The following TYW1 variants were observed in gnomAD, a reference collection of about 807,000 sequenced individuals.
The protein encoded by TYW1 is S-adenosyl-L-methionine-dependent tRNA 4-demethylwyosine synthase TYW1.
A neutral mutation model predicts 96.2 loss-of-function variants in TYW1; 46 were observed. The ratio of observed to expected loss-of-function variants is 0.48; its 90% CI spans 0.38 to 0.61. The LOEUF (loss-of-function observed/expected upper bound fraction) is 0.61. TYW1 is among the 20% of genes least tolerant of loss of function. The pLI is 0.00. For missense variants in TYW1, 684 were observed against 909.6 expected (o/e 0.75, Z 3.19); for synonymous variants, 274 against 323.0 (o/e 0.85, Z 1.63).
At chr7:67,025,172 T>G in intron 7 of TYW1, 150 bp downstream of exon 7, 1 of 1,334,670 alleles carries the variant, frequency 7.5e-7, no homozygotes, top group Non-Finnish European at 1.0e-6. Flanking sequence ...TTTGCCATTT[T>G]TCATGAGCGT....
chr7:67,099,916 C>T (rs920434334), intron 12 of TYW1, among the ~76,000 whole-genome samples: 4 of 151,992 alleles, frequency 2.6e-5, no homozygotes, highest in East Asian at 1.9e-4. Context: ...GCAGGAGAAT[C>T]GCTTGAACCC....
chr7:67,076,939 A>T (rs1316699003), intron 10 of TYW1, among the ~76,000 whole-genome samples: 3 of 151,526 alleles, frequency 2.0e-5, no homozygotes, highest in Non-Finnish European at 4.4e-5. Flanking sequence ...CACCTGGCTA[A>T]TTTTTTATAT....
At chr7:67,134,782 T>G (rs1390670843) in intron 13 of TYW1, among the ~76,000 whole-genome samples, 1 of 80,078 alleles carries the variant, frequency 1.2e-5, no homozygotes, top group East Asian at 2.2e-4. Context: ...CCCATGTGTT[T>G]TTTTTTTTTT....
chr7:67,080,016 T>C (rs1445389346), intron 10 of TYW1, among the ~76,000 whole-genome samples: 1 of 152,200 alleles, frequency 6.6e-6, no homozygotes. Flanking sequence ...CTGGAGAATA[T>C]TTTATGTATG....
chr7:67,120,789 A>G (rs1797737578), intron 13 of TYW1, among the ~76,000 whole-genome samples: 1 of 152,234 alleles, frequency 6.6e-6, no homozygotes, highest in Non-Finnish European at 1.5e-5. Flanking sequence ...TCTTACCTCA[A>G]AGTCACTAGC....
intron 13 of TYW1, among the ~76,000 whole-genome samples, chr7:67,124,700 A>G (rs1797864141): frequency 2.0e-5 from 3 of 152,214 alleles, no homozygotes; most frequent in Admixed American, 1.3e-4. Flanking sequence ...TCTCAACATT[A>G]TAATATTATA....
At chr7:67,161,914 C>T (rs1000246646) in intron 13 of TYW1, among the ~76,000 whole-genome samples, 8 of 152,174 alleles carry the variant, frequency 5.3e-5, no homozygotes, top group East Asian at 3.9e-4. Flanking sequence ...GCTTACTTCA[C>T]GGACTGAGTC....
chr7:67,168,814 C>T (rs1199707723), intron 13 of TYW1, among the ~76,000 whole-genome samples: 5 of 151,894 alleles, frequency 3.3e-5, no homozygotes, highest in East Asian at 1.9e-4. Flanking sequence ...CAGGTTCAAG[C>T]GGTTCTCCTG....
Position 67,009,513 on chromosome 7 carries a change from C to T in TYW1, c.274-70C>T. ...CATGAGGAATGCCACATTCTTGTGC[C>T]AACAGGGGTAATGAGGGTTATATTT... On this transcript the variant is annotated intron_variant, in intron 3 of 15. Transcript: ENST00000359626. 3 of 1,373,534 alleles carry T rather than the reference C, an allele frequency of 2.2e-6. No homozygotes were observed. In the Admixed American group the frequency reaches 6.4e-5, roughly 29 times the overall value. 85.1% of individuals were successfully genotyped at this position (1,373,534 alleles called of 1,614,324 possible). A position where few individuals can be genotyped will look rare whatever the true frequency, so the allele number is the denominator to read the frequency against.
chr7:67,188,273 T>C (rs757660306), intron 14 of TYW1, among the ~76,000 whole-genome samples: 14 of 152,092 alleles, frequency 9.2e-5, no homozygotes, highest in Non-Finnish European at 1.8e-4. Flanking sequence ...TGAGCTGAGA[T>C]CATGCCACTG....
At chr7:67,172,022 A>G (rs1259919766) in intron 13 of TYW1, among the ~76,000 whole-genome samples, 1 of 152,066 alleles carries the variant, frequency 6.6e-6, no homozygotes. Flanking sequence ...CAGTTGGAAA[A>G]TCTTTATCTT....
At chr7:67,135,329 GTC>G (rs1798217406) in intron 13 of TYW1, among the ~76,000 whole-genome samples, 1 of 96,148 alleles carries the variant, frequency 1.0e-5, no homozygotes, top group African/African-American at 5.7e-5. Flanking sequence ...TTTTGAGACA[GTC>G]TCTCACTCTG....
chr7:67,122,551 A>G (rs533242470), intron 13 of TYW1, among the ~76,000 whole-genome samples: 2 of 152,372 alleles, frequency 1.3e-5, no homozygotes, highest in African/African-American at 4.8e-5. Context: ...CACAGTAATT[A>G]ACATTTGAAG....
chr7:67,057,230 G>T (rs1562988885), intron 9 of TYW1, among the ~76,000 whole-genome samples: 1 of 151,968 alleles, frequency 6.6e-6, no homozygotes, highest in Non-Finnish European at 1.5e-5. Flanking sequence ...AGCCAGGATG[G>T]TCTTGATCTC....
chr7:67,050,177 A>T, intron 8 of TYW1, 111 bp downstream of exon 8: 2 of 1,252,112 alleles, frequency 1.6e-6, no homozygotes, highest in East Asian at 2.3e-5. Flanking sequence ...ATAGTGGCAG[A>T]TATAACAGTC....
chr7:67,177,539 G>A (rs1246297344), intron 13 of TYW1, among the ~76,000 whole-genome samples: 1 of 152,168 alleles, frequency 6.6e-6, no homozygotes, highest in Non-Finnish European at 1.5e-5. Flanking sequence ...TATTCCAACA[G>A]AGAAATATTC....
chr7:67,227,266 AT>A (rs1271036269), intron 15 of TYW1, among the ~76,000 whole-genome samples: 1 of 83,176 alleles, frequency 1.2e-5, no homozygotes, highest in African/African-American at 5.5e-5. Flanking sequence ...TATTATTATT[AT>A]TTTTTTGAGA....
chr7:67,047,311 G>A (rs1010296045), intron 7 of TYW1, among the ~76,000 whole-genome samples: 3 of 152,060 alleles, frequency 2.0e-5, no homozygotes, highest in African/African-American at 4.8e-5. Context: ...CGGGAGGGTC[G>A]CTTGAGCCCA....
At chr7:67,019,824 T>C (rs1275315204) in intron 6 of TYW1, among the ~76,000 whole-genome samples, 4 of 152,286 alleles carry the variant, frequency 2.6e-5, no homozygotes, top group African/African-American at 4.8e-5. Context: ...AGCGATAATA[T>C]TGATTAGTGA....
Sources: allele counts gnomAD v4.1 joint callset (sites outside exome capture counted in the v4.1 genomes callset), GRCh38; gene constraint gnomAD v4.1.1; transcripts MANE v1.5; gene names NCBI Gene and HGNC (gene_info 2026-07-23, HGNC 2026-07-21).